Variants in STIP1 observed in about 807,000 individuals in gnomAD.
STIP1 encodes stress induced phosphoprotein 1, also known as stress-induced-phosphoprotein 1.
In STIP1, 16 loss-of-function variants were observed where a neutral mutation model predicts 77.4. The ratio of observed to expected loss-of-function variants is 0.21; its 90% CI spans 0.14 to 0.31. The LOEUF (loss-of-function observed/expected upper bound fraction) is 0.31, where lower values mean the gene tolerates loss of function less well. Ranked by LOEUF, STIP1 falls within the 10% of genes least tolerant of loss-of-function variation. STIP1 has a pLI of 1.00. For synonymous variants in STIP1, 258 were observed against 246.6 expected, an observed-to-expected ratio of 1.05 and a Z score of -0.44; for missense variants, 524 against 684.8, an observed-to-expected ratio of 0.77 and a Z score of 2.62.
chr11:64,193,394 C>T, intron 2 of STIP1, 107 bp downstream of exon 2: 4 of 980,638 alleles, frequency 4.1e-6, no homozygotes, highest in East Asian at 2.5e-5. Context: ...TACCTACCCA[C>T]CTCCCTGTTT....
chr11:64,203,408 G>T, intron 12 of STIP1, 42 bp from the exon 13 acceptor site: 3 of 1,610,988 alleles, frequency 1.9e-6, no homozygotes, highest in Non-Finnish European at 2.5e-6. Context: ...AGTGAGCTGG[G>T]TGGTCCTAAC....
intron 1 of STIP1, among the ~76,000 whole-genome samples, chr11:64,191,557 G>C (rs1033814258): frequency 1.6e-4 from 24 of 152,186 alleles, no homozygotes; most frequent in Non-Finnish European, 1.5e-4. Context: ...CGTGAGGCAA[G>C]ATTGTGCCAC....
At position 64,203,521 on chromosome 11, in the gene STIP1, G is replaced by A. The variant is rs560883015; in HGVS notation, c.1458G>A (p.Lys486=). 3.1e-6 allele frequency: 5 copies of A among 1,614,122 alleles called. No homozygotes were observed. In the African/African-American group the frequency reaches 6.7e-5, roughly 22 times the overall value. The change falls in exon 13 of 14, where the codon AAG becomes AAA. Residue 486 remains lysine, a synonymous_variant. Coordinates refer to ENST00000305218, the MANE Select transcript of STIP1 (RefSeq NM_006819.3). ...YNRHDSPEDV[K]RRAMADPEVQ... ...GGCACGACAGCCCCGAAGATGTGAA[G>A]CGACGAGCCATGGCCGACCCTGAGG...
chr11:64,190,369 G>A (rs1172114725), intron 1 of STIP1, among the ~76,000 whole-genome samples: 1 of 152,096 alleles, frequency 6.6e-6, no homozygotes, highest in African/African-American at 2.4e-5. Flanking sequence ...TAGAGACGGG[G>A]TTTCTCCATG....
chr11:64,186,426 G>C, intron 1 of STIP1, 156 bp downstream of exon 1: 1 of 862,638 alleles, frequency 1.2e-6, no homozygotes, highest in Non-Finnish European at 1.5e-6. Context: ...GGCCGCGGGC[G>C]GCGGGCGGGA....
intron 11 of STIP1, 44 bp downstream of exon 11, chr11:64,202,956 A>G: frequency 6.2e-7 from 1 of 1,613,796 alleles, no homozygotes; most frequent in Non-Finnish European, 8.5e-7. Context: ...TAGCCAAAAG[A>G]TTAGAGAAGG....
intron 2 of STIP1, 124 bp from the exon 3 acceptor site, chr11:64,194,065 C>T (rs549274718): frequency 9.6e-6 from 13 of 1,356,524 alleles, no homozygotes; most frequent in African/African-American, 2.9e-5. Context: ...TCCTTTTTTT[C>T]TCTTTGGCCT....
chr11:64,200,285 G>A lies in STIP1; in HGVS notation c.1237G>A (p.Ala413Thr). Residue 413 changes from alanine to threonine, a missense_variant, in exon 10 of 14, where the codon GCA becomes ACA. Ala to Thr is a moderately conservative substitution (Grantham distance 58). Transcript: ENST00000305218. ...CYTKLLEFQL[A>T]LKDCEECIQL... is the part of the protein sequence containing the mutation. ...CACCAAACTCCTGGAGTTCCAGCTG[G>A]CACTCAAGGTGACGAGACCTGTGGG... 6.2e-7 allele frequency: 1 copy of A among 1,610,488 alleles called. No individual in the cohort carries two copies. Among genetic ancestry groups the A allele is most frequent in the Non-Finnish European group, 8.5e-7 (1 of 1,178,868 alleles).
At chr11:64,203,973 G>A in intron 13 of STIP1, 81 bp from the exon 14 acceptor site, 3 of 1,528,570 alleles carry the variant, frequency 2.0e-6, no homozygotes, top group Middle Eastern at 1.7e-4. Flanking sequence ...TCTGTAGAGG[G>A]GGTTGAATTG....
At chr11:64,193,016 T>G (rs748061342) in intron 1 of STIP1, 62 bp from the exon 2 acceptor site, 261 of 1,501,096 alleles carry the variant, frequency 1.7e-4, no homozygotes, top group Non-Finnish European at 2.3e-4. Flanking sequence ...ATGAGTGTTG[T>G]CTTTAAAGCT....
rs149110413 is a variant in STIP1 at position 64,190,001 on chromosome 11, C to CT, written c.10-3076dup. On this transcript the variant is annotated intron_variant, in intron 1 of 13. Coordinates refer to ENST00000305218, the MANE Select transcript of STIP1 (RefSeq NM_006819.3). ...ATTTGAGGATTCCAAAATCATTTCT[C>CT]TCTTTTTTTTTTTTTTCCAAATAGA... Among the ~76,000 whole-genome samples the CT allele has an allele frequency of 1.6e-3, 234 of 147,494 alleles. 1 individual carries two copies. The highest frequency in any genetic ancestry group is 0.011 in the Middle Eastern group (3 of 284).
At chr11:64,203,944 C>A (rs545612269) in intron 13 of STIP1, 110 bp from the exon 14 acceptor site, 4 of 1,334,310 alleles carry the variant, frequency 3.0e-6, no homozygotes, top group East Asian at 4.6e-5. Context: ...CTCGCCAGGA[C>A]CCCTCCCTGC....
At chr11:64,197,766 G>A (rs1037725554) in intron 7 of STIP1, 88 bp from the exon 8 acceptor site, 7 of 1,572,056 alleles carry the variant, frequency 4.5e-6, no homozygotes, top group African/African-American at 1.4e-5. Context: ...GCAGTGATGC[G>A]GGCCTTTCTA....
chr11:64,189,513 A>G (rs920151890), intron 1 of STIP1, among the ~76,000 whole-genome samples: 2 of 152,108 alleles, frequency 1.3e-5, no homozygotes, highest in African/African-American at 4.8e-5. Flanking sequence ...AATGACAGCG[A>G]AACTGCATCT....
In STIP1 at chr11:64,194,078, A is replaced by C. The variant is rs1357533906; in HGVS notation, c.220-111A>C. 5.6e-6 allele frequency: 8 copies of C among 1,436,986 alleles called. No homozygotes were observed. The African/African-American group carries it at 7.1e-5, about 13-fold the overall frequency. The allele number at this position is 1,436,986 out of a possible 1,614,324, so 89.0% of individuals were successfully genotyped here. A position where few individuals can be genotyped will look rare whatever the true frequency, so the allele number is the denominator to read the frequency against. On this transcript the variant is annotated intron_variant, in intron 2 of 13. Transcript: ENST00000305218. ...TCTCCTTTTTTTCTCTTTGGCCTTC[A>C]TGTGAATACTCATTTTTCCCCCATA...
chr11:64,194,345 C>G lies in STIP1; in HGVS notation c.361+15C>G. 1 of 1,612,336 alleles carries G rather than the reference C, an allele frequency of 6.2e-7. No individual in the cohort carries two copies. The highest frequency in any genetic ancestry group is 1.3e-5 in the African/African-American group (1 of 74,830). On this transcript the variant is annotated intron_variant, in intron 3 of 13. Transcript: ENST00000305218. ...CAGGTTGGCAGGTAGGTACCACGCA[C>G]AGTTTTCTTTCTTATTATTAATGTG...
In STIP1 at chr11:64,204,442, G is replaced by A. The variant is rs1388062300; in HGVS notation, c.*316G>A. 5.4e-6 allele frequency: 2 copies of A among 372,190 alleles called. No homozygotes were observed. Among genetic ancestry groups the A allele is most frequent in the East Asian group, 8.9e-5 (2 of 22,372 alleles). The allele number at this position is 372,190 out of a possible 1,614,324, so 23.1% of individuals were successfully genotyped here. A position where few individuals can be genotyped will look rare whatever the true frequency, so the allele number is the denominator to read the frequency against. Reference sequence around the variant, plus strand: ...TTATTTGGGGCAGTGGGCATGTTATGGGGAGGGGAGGGGGTTCTTCCAGCC... The same window carrying A: ...TTATTTGGGGCAGTGGGCATGTTATAGGGAGGGGAGGGGGTTCTTCCAGCC... On this transcript the variant is annotated 3_prime_UTR_variant, in exon 14 of 14. Coordinates refer to ENST00000305218, the MANE Select transcript of STIP1 (RefSeq NM_006819.3).
intron 1 of STIP1, among the ~76,000 whole-genome samples, chr11:64,188,611 A>C (rs1946055883): frequency 6.6e-6 from 1 of 152,146 alleles, no homozygotes; most frequent in African/African-American, 2.4e-5. Context: ...TTCTAGGCTC[A>C]AGCAATCCTC....
intron 10 of STIP1, among the ~76,000 whole-genome samples, chr11:64,200,620 TG>T: frequency 7.1e-6 from 1 of 140,646 alleles, no homozygotes; most frequent in African/African-American, 2.6e-5. Flanking sequence ...TGTGTGTGTG[TG>T]TGTGTGTAAA....
Sources: allele counts gnomAD v4.1 joint callset (sites outside exome capture counted in the v4.1 genomes callset), GRCh38; gene constraint gnomAD v4.1.1; transcripts MANE v1.5; gene names NCBI Gene and HGNC (gene_info 2026-07-23, HGNC 2026-07-21).